The following DPYD variants were observed in gnomAD, a reference collection of about 807,000 sequenced individuals.
The protein encoded by DPYD is dihydropyrimidine dehydrogenase [NADP(+)].
In DPYD, 109 loss-of-function variants were observed where a neutral mutation model predicts 116.2. The observed-to-expected ratio is 0.94, with a 90% confidence interval of 0.80 to 1.10. The LOEUF (loss-of-function observed/expected upper bound fraction) is 1.10. Among genes scored for constraint, DPYD ranks in the 50% least tolerant of loss-of-function variants. The pLI is 0.00. For synonymous variants in DPYD, 440 were observed against 432.0 expected, an observed-to-expected ratio of 1.02 and a Z score of -0.23; for missense variants, 1,302 against 1,254.5, an observed-to-expected ratio of 1.04 and a Z score of -0.57.
intron 19 of DPYD, among the ~76,000 whole-genome samples, chr1:97,207,248 A>T (rs1659702566): frequency 6.6e-6 from 1 of 152,174 alleles, no homozygotes. Flanking sequence ...CATAATTAAG[A>T]ACTCACATCA....
intron 2 of DPYD, among the ~76,000 whole-genome samples, chr1:97,880,198 C>A (rs985143744): frequency 2.0e-5 from 3 of 151,644 alleles, no homozygotes; most frequent in African/African-American, 7.3e-5. Context: ...AGTTTGAGCT[C>A]TGGGCACTGA....
intron 20 of DPYD, among the ~76,000 whole-genome samples, chr1:97,111,771 A>G (rs1409339783): frequency 6.6e-6 from 1 of 152,076 alleles, no homozygotes; most frequent in Non-Finnish European, 1.5e-5. Context: ...CTCATTGCAC[A>G]CTCTTGAATG....
intron 13 of DPYD, among the ~76,000 whole-genome samples, chr1:97,487,361 A>G (rs754081389): frequency 3.9e-5 from 6 of 152,196 alleles, no homozygotes; most frequent in Non-Finnish European, 8.8e-5. Context: ...GTCATTGCAC[A>G]TTAGAGAAAT....
intron 9 of DPYD, 99 bp from the exon 10 acceptor site, chr1:97,593,486 T>A: frequency 7.1e-7 from 1 of 1,406,196 alleles, no homozygotes; most frequent in Non-Finnish European, 9.9e-7. Context: ...AAATTGCATC[T>A]TGCAGTTTTC....
chr1:97,114,117 C>T (rs1457316106), intron 20 of DPYD, among the ~76,000 whole-genome samples: 1 of 152,074 alleles, frequency 6.6e-6, no homozygotes, highest in Non-Finnish European at 1.5e-5. Context: ...AATTTGCCAT[C>T]ATAGAAAAGC....
chr1:97,899,967 C>G (rs146932292), intron 1 of DPYD, among the ~76,000 whole-genome samples: 2 of 152,046 alleles, frequency 1.3e-5, no homozygotes, highest in Non-Finnish European at 2.9e-5. Context: ...AGTATGCACT[C>G]CATCCTTCCT....
chr1:97,514,692 G>A (rs745897119), intron 13 of DPYD, among the ~76,000 whole-genome samples: 42 of 151,446 alleles, frequency 2.8e-4, no homozygotes, highest in African/African-American at 9.2e-4. Context: ...AAATCTTTAC[G>A]AAGGATTTTT....
chr1:97,539,240 T>C (rs559677638), intron 12 of DPYD, among the ~76,000 whole-genome samples: 5 of 151,296 alleles, frequency 3.3e-5, no homozygotes, highest in South Asian at 2.1e-4. Context: ...TGAAGTCACT[T>C]AGAAATATGT....
chr1:97,362,939 C>T (rs527661157), intron 16 of DPYD, among the ~76,000 whole-genome samples: 1 of 152,188 alleles, frequency 6.6e-6, no homozygotes, highest in South Asian at 2.1e-4. Flanking sequence ...CAACAGAAGG[C>T]AAAATTGACA....
At chr1:97,331,349 G>T (rs940979098) in intron 16 of DPYD, among the ~76,000 whole-genome samples, 1 of 152,070 alleles carries the variant, frequency 6.6e-6, no homozygotes, top group Non-Finnish European at 1.5e-5. Context: ...GTGGTGGTGT[G>T]TGACTGTAGT....
At chr1:97,478,822 C>G (rs909254495) in intron 13 of DPYD, among the ~76,000 whole-genome samples, 5 of 152,230 alleles carry the variant, frequency 3.3e-5, no homozygotes, top group Non-Finnish European at 5.9e-5. Context: ...TTCATCAGTT[C>G]TCTTAGCTGG....
chr1:97,542,620 G>A (rs1650533944), intron 12 of DPYD, among the ~76,000 whole-genome samples: 1 of 152,006 alleles, frequency 6.6e-6, no homozygotes, highest in Non-Finnish European at 1.5e-5. Context: ...TCTCTTCCAG[G>A]TTACCTTTGT....
chr1:97,620,574 A>G lies in DPYD; in HGVS notation c.851-25408T>C, dbSNP rs115760967. 7.3e-3 allele frequency among the ~76,000 whole-genome samples: 1,110 copies of G among 152,316 alleles called. 15 individuals are homozygous for G. The highest frequency in any genetic ancestry group is 0.026 in the African/African-American group (1,061 of 41,566). Reference sequence around the variant, plus strand: ...AGGTTATTAACCATCTGCCCTCTTAAAATTAACTTTTTAAACATAGTTGGC... The same window carrying G: ...AGGTTATTAACCATCTGCCCTCTTAGAATTAACTTTTTAAACATAGTTGGC... On this transcript the variant is annotated intron_variant, in intron 8 of 22. Coordinates refer to ENST00000370192, the MANE Select transcript of DPYD (RefSeq NM_000110.4).
At chr1:97,368,075 G>A (rs1424860156) in intron 16 of DPYD, among the ~76,000 whole-genome samples, 5 of 151,994 alleles carry the variant, frequency 3.3e-5, no homozygotes, top group Non-Finnish European at 4.4e-5. Context: ...CAGCTGAGAA[G>A]GTATAAATTC....
In DPYD at chr1:97,633,581, G is replaced by GA. The variant is rs1411102745; in HGVS notation, c.851-38416dup. On this transcript the variant is annotated intron_variant, in intron 8 of 22. Transcript: ENST00000370192. ...CCACAACACATTATTAAGATGTTGGGAAAAAAAACCAAAAAACTTTTCTTG... is the reference window on the plus strand; with the variant it reads ...CCACAACACATTATTAAGATGTTGGGAAAAAAAAACCAAAAAACTTTTCTTG... Among the ~76,000 whole-genome samples, 17 of 151,598 alleles carry GA rather than the reference G, an allele frequency of 1.1e-4. 1 individual carries two copies. The highest frequency in any genetic ancestry group is 2.4e-5 in the African/African-American group (1 of 41,276).
intron 10 of DPYD, among the ~76,000 whole-genome samples, chr1:97,589,752 A>G (rs116786060): frequency 0.013 from 1,992 of 152,332 alleles, 22 homozygotes; most frequent in Middle Eastern, 0.024. Flanking sequence ...ACATGTTGAC[A>G]TGCCTAATGG....
intron 21 of DPYD, among the ~76,000 whole-genome samples, chr1:97,096,778 T>C (rs1299789400): frequency 6.6e-6 from 1 of 152,092 alleles, no homozygotes; most frequent in Non-Finnish European, 1.5e-5. Context: ...GAATAAAAGC[T>C]GGCCACCCCA....
intron 3 of DPYD, among the ~76,000 whole-genome samples, chr1:97,799,219 C>CATT (rs1476991676): frequency 6.6e-6 from 1 of 151,782 alleles, no homozygotes; most frequent in East Asian, 1.9e-4. Flanking sequence ...CTCCTCTAGC[C>CATT]CTATAGAATG....
intron 5 of DPYD, among the ~76,000 whole-genome samples, chr1:97,712,935 A>G (rs1048667512): frequency 7.2e-5 from 11 of 152,082 alleles, no homozygotes; most frequent in Non-Finnish European, 1.2e-4. Flanking sequence ...TGTTTTTGGC[A>G]CTTAAGTTTA....
Sources: gnomAD v4.1 joint callset for allele counts (sites outside exome capture counted in the v4.1 genomes callset) on GRCh38, gnomAD v4.1.1 for gene constraint, MANE v1.5 for transcripts, NCBI Gene and HGNC (gene_info 2026-07-23, HGNC 2026-07-21) for gene names.